FILIP1: variants seen among roughly 807,000 people sequenced by gnomAD.
The protein encoded by FILIP1 is filamin A interacting protein 1.
FILIP1 carries 61 observed loss-of-function variants against 102.1 expected under a neutral mutation model. The ratio of observed to expected loss-of-function variants is 0.60; its 90% CI spans 0.49 to 0.74. FILIP1 has a LOEUF of 0.74. FILIP1 is among the 30% of genes least tolerant of loss of function. The pLI, the probability that FILIP1 is intolerant of heterozygous loss-of-function variation, is 0.00. For missense variants in FILIP1, 1,314 were observed against 1,441.2 expected (o/e 0.91, Z 1.43); for synonymous variants, 491 against 526.9 (o/e 0.93, Z 0.93).
chr6:75,347,040 G>A lies in FILIP1; in HGVS notation c.629+6499C>T, dbSNP rs144050372. On this transcript the variant is annotated intron_variant, in intron 4 of 5. Transcript: ENST00000237172. Reference sequence around the variant, plus strand: ...GTCTGTGAATTTGAACCTTAAACAGGCAACAGAATAGGTATGCAGTTCAAG... The same window carrying A: ...GTCTGTGAATTTGAACCTTAAACAGACAACAGAATAGGTATGCAGTTCAAG... Among the ~76,000 whole-genome samples the A allele has an allele frequency of 2.1e-3, 321 of 152,280 alleles. 2 individuals are homozygous for A. The Middle Eastern group carries it at 0.054, about 26-fold the overall frequency.
At chr6:75,386,594 A>G (rs1423341150) in intron 2 of FILIP1, among the ~76,000 whole-genome samples, 5 of 152,196 alleles carry the variant, frequency 3.3e-5, no homozygotes, top group African/African-American at 1.2e-4. Flanking sequence ...CTCAAGGCTT[A>G]CATCTCAAGA....
At chr6:75,300,397 G>A (rs1043583800) in intron 6 of FILIP1, among the ~76,000 whole-genome samples, 2 of 152,140 alleles carry the variant, frequency 1.3e-5, no homozygotes, top group African/African-American at 4.8e-5. Context: ...AGAGGTACCA[G>A]CTTAGGGTTG....
intron 1 of FILIP1, among the ~76,000 whole-genome samples, chr6:75,485,994 C>T (rs202242895): frequency 0.2 from 28,619 of 143,432 alleles, 2,927 homozygotes; most frequent in African/African-American, 0.32. Flanking sequence ...CACACACACA[C>T]ACATACACAC....
chr6:75,406,465 T>C (rs1195848318), intron 2 of FILIP1, among the ~76,000 whole-genome samples: 1 of 152,132 alleles, frequency 6.6e-6, no homozygotes, highest in Admixed American at 6.6e-5. Flanking sequence ...GTAATTTATA[T>C]TGCAATTACC....
rs770441103 is a variant in FILIP1, at chr6:75,314,056, A to G, written c.1776T>C (p.Ser592=). ...EEEKSSELSC[S]VDLLKKRLDG... ...CAAGTCTCTTCTTTAGTAAGTCAAC[A>G]CTGCAGCTTAATTCAGAGGATTTTT... The change falls in exon 5 of 6, where the codon AGT becomes AGC. Residue 592 remains serine, a synonymous_variant. Coordinates refer to ENST00000237172, the MANE Select transcript of FILIP1 (RefSeq NM_015687.5). The G allele has an allele frequency of 2.0e-6, 3 of 1,513,922 alleles. No individual in the cohort carries two copies. The highest frequency in any genetic ancestry group is 2.5e-5 in the Admixed American group (1 of 40,628). 93.8% of individuals were successfully genotyped at this position (1,513,922 alleles called of 1,614,324 possible).
downstream of FILIP1, among the ~76,000 whole-genome samples, chr6:75,303,759 GAGAGAGAGAGAGAA>G (rs1448915453): frequency 1.3e-5 from 2 of 151,988 alleles, no homozygotes; most frequent in African/African-American, 4.8e-5. Flanking sequence ...GAGGGAGAGA[GAGAGAGAGAGAGAA>G]AGAGAGAGAG....
chr6:75,324,411 T>C (rs888561475), intron 4 of FILIP1, among the ~76,000 whole-genome samples: 1 of 138,844 alleles, frequency 7.2e-6, no homozygotes, highest in African/African-American at 2.7e-5. Flanking sequence ...CAAGGAAAAC[T>C]ACAAAACACT....
chr6:75,492,607 G>A (rs1779996387), intron 1 of FILIP1, among the ~76,000 whole-genome samples: 1 of 152,112 alleles, frequency 6.6e-6, no homozygotes, highest in Non-Finnish European at 1.5e-5. Context: ...CATGGAAGGG[G>A]AGACAAGATG....
chr6:75,474,893 C>T (rs954423402), intron 1 of FILIP1, among the ~76,000 whole-genome samples: 4 of 151,978 alleles, frequency 2.6e-5, no homozygotes, highest in African/African-American at 7.3e-5. Context: ...GAGAGCTGGT[C>T]GTTTAAAAGT....
chr6:75,431,198 T>C (rs572249419), intron 1 of FILIP1, among the ~76,000 whole-genome samples: 9 of 152,286 alleles, frequency 5.9e-5, no homozygotes, highest in African/African-American at 1.7e-4. Flanking sequence ...CGTTCTATAG[T>C]TACACATCAA....
At chr6:75,349,754 T>C (rs1216845703) in intron 4 of FILIP1, among the ~76,000 whole-genome samples, 1 of 152,092 alleles carries the variant, frequency 6.6e-6, no homozygotes, top group Non-Finnish European at 1.5e-5. Context: ...CTGGAGAGGC[T>C]CTCTGGCAGA....
intron 1 of FILIP1, 147 bp downstream of exon 1, chr6:75,493,266 CA>C (rs1456147225): frequency 6.6e-6 from 1 of 152,152 alleles, no homozygotes; most frequent in Non-Finnish European, 1.5e-5. Flanking sequence ...AAATAATTCA[CA>C]ATGGTTATCG....
intron 1 of FILIP1, among the ~76,000 whole-genome samples, chr6:75,479,047 T>C (rs1211566032): frequency 6.6e-6 from 1 of 152,220 alleles, no homozygotes; most frequent in Non-Finnish European, 1.5e-5. Context: ...CAAGATGTAC[T>C]TGACACTTAA....
intron 6 of FILIP1, among the ~76,000 whole-genome samples, chr6:75,298,779 G>C (rs117421746): frequency 6.6e-6 from 1 of 152,028 alleles, no homozygotes; most frequent in African/African-American, 2.4e-5. Context: ...TAAGCTGGGC[G>C]TGGTGGTGTG....
chr6:75,466,055 A>G (rs1779157017), intron 1 of FILIP1, among the ~76,000 whole-genome samples: 1 of 152,126 alleles, frequency 6.6e-6, no homozygotes, highest in Non-Finnish European at 1.5e-5. Flanking sequence ...TTGCCCAGAT[A>G]TTCACATGGC....
downstream of FILIP1, among the ~76,000 whole-genome samples, chr6:75,304,224 ATTTAT>A (rs902548953): frequency 2.6e-5 from 4 of 151,940 alleles, no homozygotes; most frequent in Admixed American, 2.6e-4. Flanking sequence ...ATTTTTATTT[ATTTAT>A]TTTGAGACAG....
intron 1 of FILIP1, among the ~76,000 whole-genome samples, chr6:75,471,142 A>G (rs1033532318): frequency 2.1e-5 from 3 of 143,528 alleles, no homozygotes; most frequent in African/African-American, 7.8e-5. Flanking sequence ...CCTGGGTGAC[A>G]GAGCAAGACC....
intron 1 of FILIP1, among the ~76,000 whole-genome samples, chr6:75,443,657 C>T (rs1276826794): frequency 1.3e-5 from 2 of 152,248 alleles, no homozygotes; most frequent in East Asian, 1.9e-4. Flanking sequence ...GATTCTGATT[C>T]CTCATTTCTC....
rs114201533 is a variant in FILIP1, at chr6:75,346,560, C to T, written c.629+6979G>A. Among the ~76,000 whole-genome samples the T allele has an allele frequency of 7.1e-3, 1,083 of 152,314 alleles. 9 individuals are homozygous for T. The highest frequency in any genetic ancestry group is 0.02 in the Middle Eastern group (6 of 294). ...GATAAGCAACATGCTCCTAGTTCCA[C>T]AGCACTGATAGTAGGTATGTTACTA... On this transcript the variant is annotated intron_variant, in intron 4 of 5. Transcript: ENST00000237172.
Sources: allele counts gnomAD v4.1 joint callset (sites outside exome capture counted in the v4.1 genomes callset), GRCh38; gene constraint gnomAD v4.1.1; transcripts MANE v1.5; gene names NCBI Gene and HGNC (gene_info 2026-07-23, HGNC 2026-07-21).